MRPS5: variants seen among roughly 807,000 people sequenced by gnomAD.
MRPS5 encodes the protein mitochondrial ribosomal protein S5.
MRPS5 carries 27 observed loss-of-function variants against 51.9 expected under a neutral mutation model. The observed-to-expected ratio is 0.52, with a 90% CI of 0.38 to 0.72. MRPS5 has a LOEUF of 0.72. MRPS5 is among the 30% of genes least tolerant of loss of function. The pLI is 0.00. For synonymous variants in MRPS5, 196 were observed against 193.2 expected (o/e 1.01, Z -0.12); for missense variants, 570 against 545.7 (o/e 1.04, Z -0.44).
intron 10 of MRPS5, among the ~76,000 whole-genome samples, chr2:95,095,640 A>G (rs1170888742): frequency 1.3e-5 from 2 of 152,236 alleles, no homozygotes; most frequent in Non-Finnish European, 2.9e-5. Context: ...AGAAATAAAG[A>G]TGTTCTTTGA....
In MRPS5 at chr2:95,086,343, T is replaced by TAAA. The variant is rs1675287696; in HGVS notation, c.*1011_*1013dup. Among the ~76,000 whole-genome samples the TAAA allele has an allele frequency of 6.6e-6, 1 of 152,008 alleles. No homozygotes were observed. Among genetic ancestry groups the TAAA allele is most frequent in the Non-Finnish European group, 1.5e-5 (1 of 67,996 alleles). ...AGCCTCAGCAAATAAAGAGAAGACA[T>TAAA]AAAAAATAAACCAAATGGAAATTTT... On this transcript the variant is annotated 3_prime_UTR_variant, in exon 12 of 12. Coordinates refer to ENST00000272418, the MANE Select transcript of MRPS5 (RefSeq NM_031902.5).
chr2:95,110,738 A>G (rs1676094750), intron 3 of MRPS5, among the ~76,000 whole-genome samples: 1 of 152,128 alleles, frequency 6.6e-6, no homozygotes, highest in South Asian at 2.1e-4. Flanking sequence ...GGAGTTTGAG[A>G]TTACTATAAT....
chr2:95,120,454 G>C (rs1339853823), intron 1 of MRPS5, among the ~76,000 whole-genome samples: 1 of 152,198 alleles, frequency 6.6e-6, no homozygotes, highest in Non-Finnish European at 1.5e-5. Flanking sequence ...TGGGAAGCTG[G>C]GAAGTGACAG....
intron 4 of MRPS5, 104 bp downstream of exon 4, chr2:95,109,811 GC>G (rs1676062356): frequency 7.8e-7 from 1 of 1,277,232 alleles, no homozygotes; most frequent in South Asian, 1.5e-5. Context: ...AGATCGTAGT[GC>G]CCTTCATAAG....
At chr2:95,097,253 G>A (rs1675654284) in intron 10 of MRPS5, among the ~76,000 whole-genome samples, 1 of 152,188 alleles carries the variant, frequency 6.6e-6, no homozygotes, top group Non-Finnish European at 1.5e-5. Context: ...TCGTGAAAAT[G>A]GCCATGCTGC....
chr2:95,118,040 A>T, intron 1 of MRPS5, 95 bp from the exon 2 acceptor site: 1 of 916,914 alleles, frequency 1.1e-6, no homozygotes, highest in Non-Finnish European at 1.6e-6. Flanking sequence ...TAGAATAAAG[A>T]ACCAAGACGA....
At chr2:95,120,704 C>G (rs527656470) in intron 1 of MRPS5, among the ~76,000 whole-genome samples, 4 of 152,190 alleles carry the variant, frequency 2.6e-5, no homozygotes, top group African/African-American at 9.7e-5. Flanking sequence ...AAGCTGTGTG[C>G]CTTAACTCCC....
intron 10 of MRPS5, among the ~76,000 whole-genome samples, chr2:95,097,208 G>T (rs1285774819): frequency 6.6e-6 from 1 of 152,184 alleles, no homozygotes; most frequent in Non-Finnish European, 1.5e-5. Flanking sequence ...ACAAATGGAA[G>T]AACATTCCAT....
At chr2:95,119,595 G>C (rs1676382530) in intron 1 of MRPS5, among the ~76,000 whole-genome samples, 1 of 150,946 alleles carries the variant, frequency 6.6e-6, no homozygotes, top group African/African-American at 2.4e-5. Context: ...CTGGGCAATG[G>C]GACAAGACCC....
rs966054219 is a variant in MRPS5, at chr2:95,085,730, A to G, written c.*1627T>C. ...ACGAGGCAGTGCCCCATCCCATACC[A>G]GCACCGTCAGAGGAAGCATGCTGAG... is the stretch of plus-strand genomic sequence containing the variant. On this transcript the variant is annotated 3_prime_UTR_variant, in exon 12 of 12. Coordinates refer to ENST00000272418, the MANE Select transcript of MRPS5 (RefSeq NM_031902.5). 6.6e-6 allele frequency among the ~76,000 whole-genome samples: 1 copy of G among 152,148 alleles called. No homozygotes were observed. The highest frequency in any genetic ancestry group is 2.4e-5 in the African/African-American group (1 of 41,434).
At chr2:95,113,177 TA>T (rs939634819) in intron 3 of MRPS5, among the ~76,000 whole-genome samples, 11 of 151,226 alleles carry the variant, frequency 7.3e-5, no homozygotes, top group Non-Finnish European at 4.4e-5. Flanking sequence ...AAAAGGCTAT[TA>T]AAAAATAAAA....
chr2:95,096,293 C>T (rs1314007669), intron 10 of MRPS5, among the ~76,000 whole-genome samples: 1 of 152,162 alleles, frequency 6.6e-6, no homozygotes, highest in Non-Finnish European at 1.5e-5. Context: ...TGAAACTATT[C>T]CAATCAATAG....
Position 95,104,679 on chromosome 2 carries a change from G to A in MRPS5, c.724C>T (p.Arg242Cys), listed in dbSNP as rs913665792. The stretch of plus-strand genomic sequence containing the variant: ...CCGTTCCCCACAGCCACCAAGACAC[G>A]GATCGATTTCTTTCTTCCCTCTTTC... The part of the protein sequence containing the change: ...TAKEGRKKSI[R>C]VLVAVGNGKG... Residue 242 changes from arginine to cysteine, a missense_variant, in exon 7 of 12, where the codon CGT becomes TGT. Arg to Cys is a radical substitution (Grantham distance 180). Transcript: ENST00000272418. The A allele has an allele frequency of 1.1e-5, 18 of 1,614,074 alleles. No homozygotes were observed. Among genetic ancestry groups the A allele is most frequent in the Non-Finnish European group, 1.4e-5 (16 of 1,180,012 alleles).
In MRPS5 at chr2:95,085,794, T is replaced by C. The variant is rs1447198433; in HGVS notation, c.*1563A>G. ...TCCCAGAGCTTCATAACAGTGAAGA[T>C]GACCAGGATACAGCCAAAGTCACTC... On this transcript the variant is annotated 3_prime_UTR_variant, in exon 12 of 12. Transcript: ENST00000272418. 1.3e-5 allele frequency among the ~76,000 whole-genome samples: 2 copies of C among 152,180 alleles called. No homozygotes were observed. The highest frequency in any genetic ancestry group is 2.9e-5 in the Non-Finnish European group (2 of 68,046).
At chr2:95,108,134 ACT>A (rs773824463) in intron 5 of MRPS5, 39 bp downstream of exon 5, 62 of 1,543,530 alleles carry the variant, frequency 4.0e-5, no homozygotes, top group Non-Finnish European at 4.9e-5. Context: ...AACTACAAGT[ACT>A]CTCTGTCACA....
chr2:95,112,038 C>T (rs1486783793), intron 3 of MRPS5, among the ~76,000 whole-genome samples: 1 of 152,070 alleles, frequency 6.6e-6, no homozygotes, highest in Non-Finnish European at 1.5e-5. Flanking sequence ...AATATATACA[C>T]CTATTAACTA....
intron 3 of MRPS5, among the ~76,000 whole-genome samples, chr2:95,112,811 T>G (rs1428014803): frequency 6.6e-6 from 1 of 151,976 alleles, no homozygotes; most frequent in Non-Finnish European, 1.5e-5. Context: ...GAGACCATCC[T>G]GGCTAACAAG....
rs1675287449 is a variant in MRPS5, at chr2:95,086,335, A to G, written c.*1022T>C. On this transcript the variant is annotated 3_prime_UTR_variant, in exon 12 of 12. Coordinates refer to ENST00000272418, the MANE Select transcript of MRPS5 (RefSeq NM_031902.5). ...CAGCAAATAGCCTCAGCAAATAAAG[A>G]GAAGACATAAAAAATAAACCAAATG... Among the ~76,000 whole-genome samples, 1 of 152,258 alleles carries G rather than the reference A, an allele frequency of 6.6e-6. No individual in the cohort carries two copies. The highest frequency in any genetic ancestry group is 1.5e-5 in the Non-Finnish European group (1 of 68,042).
intron 3 of MRPS5, among the ~76,000 whole-genome samples, 155 bp from the exon 4 acceptor site, chr2:95,110,196 C>T (rs1458676066): frequency 6.6e-6 from 1 of 152,222 alleles, no homozygotes; most frequent in Non-Finnish European, 1.5e-5. Context: ...CCTTTGCACA[C>T]ATCAGACGGT....
Sources: gnomAD v4.1 joint callset for allele counts (sites outside exome capture counted in the v4.1 genomes callset) on GRCh38, gnomAD v4.1.1 for gene constraint, MANE v1.5 for transcripts, NCBI Gene and HGNC (gene_info 2026-07-23, HGNC 2026-07-21) for gene names.